SNCAIP: variants seen among roughly 807,000 people sequenced by gnomAD.
The protein encoded by SNCAIP is synphilin-1.
Under a neutral mutation model 86.7 loss-of-function variants are expected in SNCAIP, and 43 were observed. The observed-to-expected ratio is 0.50, with a 90% CI of 0.39 to 0.64. The LOEUF is 0.64. Ranked by LOEUF, SNCAIP falls within the 30% of genes least tolerant of loss-of-function variation. The pLI, the probability that SNCAIP is intolerant of heterozygous loss-of-function variation, is 0.00. For missense variants in SNCAIP, 981 were observed against 1,103.1 expected (o/e 0.89, Z 1.57); for synonymous variants, 417 against 427.2 (o/e 0.98, Z 0.29).
intron 5 of SNCAIP, among the ~76,000 whole-genome samples, chr5:122,430,609 G>A (rs1029673071): frequency 1.3e-5 from 2 of 152,086 alleles, no homozygotes; most frequent in African/African-American, 4.8e-5. Context: ...ACGTATCTGG[G>A]TTTATATATC....
In SNCAIP at chr5:122,422,907, T is replaced by C. The variant is rs183842817; in HGVS notation, c.170T>C (p.Ile57Thr). ...SSWNCGISTL[I>T]TNTQKPTGIA... ...TGGAATTGTGGCATCTCAACTCTTATTACAAACACGCAAAAGCCCACAGGA... is the reference window on the plus strand; with the variant it reads ...TGGAATTGTGGCATCTCAACTCTTACTACAAACACGCAAAAGCCCACAGGA... Residue 57 changes from isoleucine (I) to threonine (T), a missense_variant, in exon 4 of 11, where the codon ATT becomes ACT. Transcript: ENST00000261368. The C allele has an allele frequency of 1.0e-4, 165 of 1,614,086 alleles. No individual in the cohort carries two copies. In the East Asian group the frequency reaches 3.3e-3, roughly 32 times the overall value.
intron 5 of SNCAIP, among the ~76,000 whole-genome samples, chr5:122,426,223 C>T (rs1243414507): frequency 1.3e-5 from 2 of 152,128 alleles, no homozygotes; most frequent in South Asian, 2.1e-4. Flanking sequence ...ATGTAGAATC[C>T]AATCATATTT....
chr5:122,341,852 A>G (rs1480270688), intron 1 of SNCAIP, among the ~76,000 whole-genome samples: 3 of 152,178 alleles, frequency 2.0e-5, no homozygotes, highest in Non-Finnish European at 4.4e-5. Context: ...TTAAAAAACA[A>G]TACTCCATCC....
At chr5:122,457,441 G>A (rs1026536054) in intron 10 of SNCAIP, among the ~76,000 whole-genome samples, 8 of 152,156 alleles carry the variant, frequency 5.3e-5, no homozygotes, top group African/African-American at 1.9e-4. Context: ...GATTGCCTCT[G>A]CTCCAGAAAC....
At position 122,423,067 on chromosome 5, in the gene SNCAIP, G is replaced by A; in HGVS notation, c.330G>A (p.Glu110=). ...QKVVEYQKGG[E]SDLGPQPQEL... ...TGGTTGAGTACCAGAAAGGGGGTGA[G>A]TCTGACCTGGGCCCCCAGCCTCAGG... Residue 110 remains glutamate (E), a synonymous_variant, in exon 4 of 11, where the codon GAG becomes GAA. Coordinates refer to ENST00000261368, the MANE Select transcript of SNCAIP (RefSeq NM_005460.4). 1.2e-6 allele frequency: 2 copies of A among 1,614,086 alleles called. No individual in the cohort carries two copies. Among genetic ancestry groups the A allele is most frequent in the Non-Finnish European group, 1.7e-6 (2 of 1,180,008 alleles).
At chr5:122,324,410 A>C (rs548196749) in intron 1 of SNCAIP, among the ~76,000 whole-genome samples, 1 of 152,308 alleles carries the variant, frequency 6.6e-6, no homozygotes, top group Admixed American at 6.5e-5. Context: ...TTATTGACTA[A>C]TTCCTATAGA....
chr5:122,358,854 C>T (rs1004172624), intron 1 of SNCAIP, among the ~76,000 whole-genome samples: 1 of 152,020 alleles, frequency 6.6e-6, no homozygotes, highest in Non-Finnish European at 1.5e-5. Context: ...GAGCTAATAC[C>T]CTTATAAATT....
intron 1 of SNCAIP, among the ~76,000 whole-genome samples, chr5:122,326,085 C>A (rs1753956050): frequency 6.6e-6 from 1 of 152,184 alleles, no homozygotes; most frequent in Admixed American, 6.5e-5. Context: ...GAAATATTGA[C>A]AGCTCAGCAT....
intron 1 of SNCAIP, among the ~76,000 whole-genome samples, chr5:122,372,805 T>TC (rs141373363): frequency 0.01 from 1,546 of 152,004 alleles, 37 homozygotes; most frequent in African/African-American, 0.035. Flanking sequence ...CTCTTTCCCT[T>TC]CCCCCTCTCC....
intron 8 of SNCAIP, among the ~76,000 whole-genome samples, chr5:122,449,528 C>A (rs567244073): frequency 1.3e-5 from 2 of 152,136 alleles, no homozygotes; most frequent in African/African-American, 4.8e-5. Context: ...TCTTCTATGT[C>A]CATAGATACT....
At chr5:122,319,124 TC>T (rs920184330) in intron 1 of SNCAIP, among the ~76,000 whole-genome samples, 30 of 152,042 alleles carry the variant, frequency 2.0e-4, no homozygotes, top group Non-Finnish European at 4.0e-4. Context: ...ATTGGGCTCT[TC>T]CCATTCATCT....
chr5:122,394,777 G>C (rs1033777075), intron 2 of SNCAIP, among the ~76,000 whole-genome samples: 1 of 152,194 alleles, frequency 6.6e-6, no homozygotes, highest in Admixed American at 6.5e-5. Flanking sequence ...ATCTCCTGAG[G>C]AGCTCACTCA....
At chr5:122,404,622 C>T (rs1306794582) in intron 3 of SNCAIP, among the ~76,000 whole-genome samples, 1 of 152,172 alleles carries the variant, frequency 6.6e-6, no homozygotes, top group Non-Finnish European at 1.5e-5. Flanking sequence ...TACTCTATGG[C>T]ATCACCATTA....
intron 10 of SNCAIP, chr5:122,452,804 G>A (rs1396508924): frequency 3.0e-6 from 2 of 662,518 alleles, no homozygotes; most frequent in East Asian, 2.8e-5. Context: ...TCCTTAAAGT[G>A]CATACTAAGC....
At chr5:122,351,477 C>T (rs960010909) in intron 1 of SNCAIP, among the ~76,000 whole-genome samples, 1 of 123,848 alleles carries the variant, frequency 8.1e-6, no homozygotes, top group African/African-American at 3.1e-5. Flanking sequence ...GCAGAGGTTG[C>T]GGTGAGCCGA....
chr5:122,395,118 G>C (rs908269453), intron 2 of SNCAIP, among the ~76,000 whole-genome samples: 2 of 152,156 alleles, frequency 1.3e-5, no homozygotes, highest in Admixed American at 1.3e-4. Flanking sequence ...TAAAGGGATT[G>C]ATAGACATTA....
At chr5:122,386,822 A>G (rs1414630947) in intron 1 of SNCAIP, among the ~76,000 whole-genome samples, 1 of 98,866 alleles carries the variant, frequency 1.0e-5, no homozygotes, top group Non-Finnish European at 2.0e-5. Context: ...CCCCACTTCA[A>G]AAAAAAAAAA....
At chr5:122,343,009 G>C (rs1178341283) in intron 1 of SNCAIP, among the ~76,000 whole-genome samples, 1 of 152,136 alleles carries the variant, frequency 6.6e-6, no homozygotes, top group African/African-American at 2.4e-5. Context: ...TTAAATAAGT[G>C]ATTACACTTG....
intron 1 of SNCAIP, among the ~76,000 whole-genome samples, chr5:122,369,368 A>G (rs1283055971): frequency 6.6e-6 from 1 of 152,204 alleles, no homozygotes; most frequent in Non-Finnish European, 1.5e-5. Flanking sequence ...GAGATTTCCA[A>G]TCAAAATCTT....
Sources: allele counts gnomAD v4.1 joint callset (sites outside exome capture counted in the v4.1 genomes callset), GRCh38; gene constraint gnomAD v4.1.1; transcripts MANE v1.5; gene names NCBI Gene and HGNC (gene_info 2026-07-23, HGNC 2026-07-21).